The following FHL2 variants were observed in gnomAD, a reference collection of about 807,000 sequenced individuals.
The protein encoded by FHL2 is four and a half LIM domains protein 2.
Under a neutral mutation model 32.7 loss-of-function variants are expected in FHL2, and 20 were observed. That is an observed-to-expected ratio of 0.61 (90% CI 0.43 to 0.89). The LOEUF is 0.89. Ranked by LOEUF, FHL2 falls within the 40% of genes least tolerant of loss-of-function variation. FHL2 has a pLI of 0.00. For missense variants in FHL2, 311 were observed against 358.6 expected (o/e 0.87, Z 1.07); for synonymous variants, 123 against 128.1 (o/e 0.96, Z 0.27).
At chr2:105,369,382 C>T (rs959392767) in intron 4 of FHL2, among the ~76,000 whole-genome samples, 5 of 152,138 alleles carry the variant, frequency 3.3e-5, no homozygotes, top group African/African-American at 1.2e-4. Flanking sequence ...AATGTCTGTC[C>T]TCCAGTAATT....
chr2:105,370,554 T>A (rs1283515560), intron 4 of FHL2, among the ~76,000 whole-genome samples: 1 of 152,058 alleles, frequency 6.6e-6, no homozygotes. Context: ...TCCTGATTGG[T>A]CATCAGGAAA....
At position 105,363,461 on chromosome 2, in the gene FHL2, G is replaced by C; in HGVS notation, c.512C>G (p.Thr171Arg). Reference sequence around the variant, plus strand: ...CTGCTCCCGGTAAGTGACCCCTCCCGTGGTGATGGGCTGCAGGGACGAGGG... The same window carrying C: ...CTGCTCCCGGTAAGTGACCCCTCCCCTGGTGATGGGCTGCAGGGACGAGGG... ...QCVQCKKPITTGGVTYREQPW... is the reference protein window; with the variant it reads ...QCVQCKKPITRGGVTYREQPW... The change falls in exon 6 of 7, where the codon ACG (threonine) becomes AGG (arginine). Residue 171 changes from threonine (T) to arginine (R), a missense_variant. Physicochemically the swap from Thr to Arg is moderately conservative, Grantham distance 71. Coordinates refer to ENST00000530340, the MANE Select transcript of FHL2 (RefSeq NM_001318895.3). 1 of 1,608,438 alleles carries C rather than the reference G, an allele frequency of 6.2e-7. No individual in the cohort carries two copies. The highest frequency in any genetic ancestry group is 1.3e-5 in the African/African-American group (1 of 75,012).
At chr2:105,396,071 C>T (rs1683106249) in intron 2 of FHL2, among the ~76,000 whole-genome samples, 1 of 152,158 alleles carries the variant, frequency 6.6e-6, no homozygotes, top group Admixed American at 6.5e-5. Flanking sequence ...GGGAGAATGA[C>T]AGTTGGTGGG....
chr2:105,389,196 T>C (rs943752342), intron 2 of FHL2, among the ~76,000 whole-genome samples: 2 of 152,216 alleles, frequency 1.3e-5, no homozygotes, highest in African/African-American at 4.8e-5. Flanking sequence ...AAACATTGTC[T>C]GGACATTCTT....
upstream of FHL2, among the ~76,000 whole-genome samples, chr2:105,400,360 T>C (rs1459179861): frequency 6.6e-6 from 1 of 152,086 alleles, no homozygotes; most frequent in African/African-American, 2.4e-5. Flanking sequence ...ATGTGCGGAA[T>C]ACAGCCCTCC....
chr2:105,424,323 C>T (rs1045820480), intron 1 of FHL2, among the ~76,000 whole-genome samples: 47 of 152,126 alleles, frequency 3.1e-4, no homozygotes, highest in African/African-American at 9.4e-4. Flanking sequence ...AAAACCACAA[C>T]GAGATACCAT....
chr2:105,398,688 C>A (rs991870968), intron 1 of FHL2, among the ~76,000 whole-genome samples, 154 bp downstream of exon 1: 3 of 152,172 alleles, frequency 2.0e-5, no homozygotes, highest in Admixed American at 6.5e-5. Flanking sequence ...GCTCCCCTCT[C>A]CCCGTGGTCT....
Position 105,383,137 on chromosome 2 carries a change from C to T in FHL2, c.156+3224G>A, listed in dbSNP as rs528997232. Among the ~76,000 whole-genome samples, 377 of 152,352 alleles carry T rather than the reference C, an allele frequency of 2.5e-3. 4 individuals carry two copies. The highest frequency in any genetic ancestry group is 8.9e-3 in the African/African-American group (368 of 41,574). On this transcript the variant is annotated intron_variant, in intron 3 of 6. Coordinates refer to ENST00000530340, the MANE Select transcript of FHL2 (RefSeq NM_001318895.3). ...CTGGCCTCAAGTGTTCCACCTGCCT[C>T]GGCCTCCCAAAGTGCTGGAATTACA...
chr2:105,405,319 A>G (rs1331266540), intron 1 of FHL2, among the ~76,000 whole-genome samples: 1 of 152,222 alleles, frequency 6.6e-6, no homozygotes, highest in Non-Finnish European at 1.5e-5. Flanking sequence ...CTTTTGAGTG[A>G]ACGGTTTGCT....
At chr2:105,362,810 CA>C (rs777163404) in intron 6 of FHL2, among the ~76,000 whole-genome samples, 3 of 152,152 alleles carry the variant, frequency 2.0e-5, no homozygotes, top group Non-Finnish European at 4.4e-5. Flanking sequence ...TGGGGGAATA[CA>C]ATATGAAAAA....
intron 3 of FHL2, 67 bp downstream of exon 3, chr2:105,386,294 C>T: frequency 6.4e-7 from 1 of 1,567,696 alleles, no homozygotes; most frequent in Non-Finnish European, 8.7e-7. Context: ...GGCTTCAGCA[C>T]AAACCACAGA....
intron 1 of FHL2, among the ~76,000 whole-genome samples, chr2:105,414,209 T>G (rs535596267): frequency 6.6e-6 from 1 of 152,280 alleles, no homozygotes; most frequent in East Asian, 1.9e-4. Context: ...GGAGCTTCTG[T>G]TTCCTCCTTG....
chr2:105,407,071 A>G (rs1683655289), intron 1 of FHL2, among the ~76,000 whole-genome samples: 1 of 152,228 alleles, frequency 6.6e-6, no homozygotes, highest in Non-Finnish European at 1.5e-5. Flanking sequence ...CTTGATCAGT[A>G]TTACTGAATT....
intron 4 of FHL2, among the ~76,000 whole-genome samples, chr2:105,371,250 A>G (rs1249027251): frequency 7.2e-5 from 11 of 152,174 alleles, no homozygotes; most frequent in Non-Finnish European, 1.2e-4. Context: ...AGATGTGACT[A>G]ACATCTAAGT....
intron 1 of FHL2, among the ~76,000 whole-genome samples, chr2:105,415,214 A>G (rs1282359509): frequency 2.6e-5 from 4 of 152,234 alleles, no homozygotes; most frequent in Non-Finnish European, 5.9e-5. Flanking sequence ...TCTCTGGGAC[A>G]ATCTCCAAGA....
chr2:105,423,513 C>T (rs917083177), intron 1 of FHL2, among the ~76,000 whole-genome samples: 1 of 152,176 alleles, frequency 6.6e-6, no homozygotes, highest in Admixed American at 6.5e-5. Context: ...TTTCAAAGAT[C>T]ACAGCCATTG....
chr2:105,362,947 G>T, intron 6 of FHL2: 1 of 275,556 alleles, frequency 3.6e-6, no homozygotes, highest in Non-Finnish European at 6.9e-6. Context: ...ACACAGCACA[G>T]CTGCTAAGCC....
chr2:105,386,290 A>G (rs1682304423), intron 3 of FHL2, 71 bp downstream of exon 3: 3 of 1,551,304 alleles, frequency 1.9e-6, no homozygotes, highest in African/African-American at 2.7e-5. Flanking sequence ...TCAGGGCTTC[A>G]GCACAAACCA....
At chr2:105,366,356 A>G (rs549706480) in intron 5 of FHL2, among the ~76,000 whole-genome samples, 17 of 152,366 alleles carry the variant, frequency 1.1e-4, no homozygotes, top group African/African-American at 4.1e-4. Flanking sequence ...ATGTTTCTCC[A>G]TGGCCCAGAC....
Sources: gnomAD v4.1 joint callset for allele counts (sites outside exome capture counted in the v4.1 genomes callset) on GRCh38, gnomAD v4.1.1 for gene constraint, MANE v1.5 for transcripts, NCBI Gene and HGNC (gene_info 2026-07-23, HGNC 2026-07-21) for gene names.